Variants in MPP7 observed in about 807,000 individuals in gnomAD.
MPP7 encodes MAGUK p55 scaffold protein 7.
A neutral mutation model predicts 76.5 loss-of-function variants in MPP7; 60 were observed. The ratio of observed to expected loss-of-function variants is 0.78; its 90% CI spans 0.64 to 0.97. MPP7 has a LOEUF of 0.97. MPP7 is among the 50% of genes least tolerant of loss of function. The pLI is 0.00. For missense variants in MPP7, 641 were observed against 694.0 expected, an observed-to-expected ratio of 0.92 and a Z score of 0.86; for synonymous variants, 237 against 244.5, an observed-to-expected ratio of 0.97 and a Z score of 0.29.
At chr10:28,250,536 C>T (rs1839583071) in intron 1 of MPP7, among the ~76,000 whole-genome samples, 1 of 152,332 alleles carries the variant, frequency 6.6e-6, no homozygotes, top group East Asian at 1.9e-4. Flanking sequence ...CCATCCTACA[C>T]AGGCTGCCAG....
At chr10:28,062,502 G>C (rs1851826997) in intron 13 of MPP7, among the ~76,000 whole-genome samples, 1 of 145,672 alleles carries the variant, frequency 6.9e-6, no homozygotes, top group East Asian at 2.0e-4. Flanking sequence ...TAAAATAGTA[G>C]CTTAAATTCA....
At chr10:28,285,773 C>T (rs1242284448) in intron 1 of MPP7, among the ~76,000 whole-genome samples, 1 of 151,510 alleles carries the variant, frequency 6.6e-6, no homozygotes, top group East Asian at 1.9e-4. Flanking sequence ...TTACTATTTA[C>T]AGGCATTAAA....
intron 2 of MPP7, among the ~76,000 whole-genome samples, chr10:28,312,188 TC>T (rs1185239629): frequency 6.6e-6 from 1 of 152,162 alleles, no homozygotes; most frequent in Non-Finnish European, 1.5e-5. Flanking sequence ...CAGCCTTTAT[TC>T]CCTTTTTTGT....
intron 1 of MPP7, among the ~76,000 whole-genome samples, chr10:28,244,234 T>C (rs1197477645): frequency 1.3e-5 from 2 of 152,198 alleles, no homozygotes; most frequent in African/African-American, 4.8e-5. Flanking sequence ...GTAGCATGCT[T>C]TCTAGTAACA....
At chr10:28,222,688 T>C (rs1838552530) in intron 2 of MPP7, among the ~76,000 whole-genome samples, 1 of 151,460 alleles carries the variant, frequency 6.6e-6, no homozygotes, top group South Asian at 2.1e-4. Flanking sequence ...CCGTCTCCAC[T>C]AAAAATACAA....
chr10:28,100,381 T>C (rs1853769598), intron 11 of MPP7, among the ~76,000 whole-genome samples: 1 of 152,048 alleles, frequency 6.6e-6, no homozygotes, highest in African/African-American at 2.4e-5. Context: ...ATTAAGAACA[T>C]CTTACAGTAA....
chr10:28,305,042 C>T (rs1252251995), upstream of MPP7, among the ~76,000 whole-genome samples: 1 of 152,126 alleles, frequency 6.6e-6, no homozygotes, highest in Non-Finnish European at 1.5e-5. Context: ...ATGGGAGACA[C>T]ACTTAATTTT....
intron 2 of MPP7, among the ~76,000 whole-genome samples, chr10:28,224,341 C>G (rs538888919): frequency 6.7e-6 from 1 of 149,560 alleles, no homozygotes; most frequent in Non-Finnish European, 1.5e-5. Flanking sequence ...GAAAAGAGAA[C>G]AATGTGAATA....
chr10:28,296,031 G>T (rs970149696), intron 1 of MPP7, among the ~76,000 whole-genome samples: 2 of 152,078 alleles, frequency 1.3e-5, no homozygotes, highest in African/African-American at 4.8e-5. Flanking sequence ...ATAAATTTCA[G>T]GTTTCTACTT....
chr10:28,258,404 AT>A (rs1839854783), intron 1 of MPP7, among the ~76,000 whole-genome samples: 1 of 133,164 alleles, frequency 7.5e-6, no homozygotes, highest in African/African-American at 2.9e-5. Flanking sequence ...ATATATATAT[AT>A]AAATTTTTTT....
chr10:28,074,588 T>A (rs1852400841), intron 12 of MPP7, among the ~76,000 whole-genome samples: 1 of 152,090 alleles, frequency 6.6e-6, no homozygotes, highest in African/African-American at 2.4e-5. Flanking sequence ...TGAACCACAA[T>A]GCCCATTCTA....
chr10:28,314,371 T>C (rs995793322), intron 2 of MPP7, among the ~76,000 whole-genome samples: 10 of 152,224 alleles, frequency 6.6e-5, no homozygotes, highest in African/African-American at 2.2e-4. Context: ...ACATAAGGAT[T>C]ATACAAGCAA....
chr10:28,280,395 T>C (rs938421343), intron 1 of MPP7, among the ~76,000 whole-genome samples: 9 of 152,048 alleles, frequency 5.9e-5, no homozygotes, highest in African/African-American at 7.3e-5. Flanking sequence ...GCAAATGCTA[T>C]GTAAATAGTT....
At chr10:28,264,665 A>T (rs2132975988) in intron 1 of MPP7, among the ~76,000 whole-genome samples, 1 of 152,032 alleles carries the variant, frequency 6.6e-6, no homozygotes, top group Admixed American at 6.6e-5. Context: ...AATTTCCACC[A>T]TCTCTCAACA....
At chr10:28,194,758 A>C (rs1837525057) in intron 3 of MPP7, among the ~76,000 whole-genome samples, 1 of 152,232 alleles carries the variant, frequency 6.6e-6, no homozygotes, top group Admixed American at 6.5e-5. Flanking sequence ...TGGAAACGTA[A>C]AACTATTCTT....
intron 13 of MPP7, among the ~76,000 whole-genome samples, chr10:28,066,886 C>T (rs547371599): frequency 5.3e-5 from 8 of 152,306 alleles, no homozygotes; most frequent in African/African-American, 1.9e-4. Context: ...CCATTGTATG[C>T]ATATACTATA....
rs768009446 is a variant in MPP7 at position 28,054,098 on chromosome 10, G to A, written c.1698C>T (p.Thr566=). ...KTTFDKLETE[T]HWVPVSWLHS Reference sequence around the variant, plus strand: ...GTAACCAGCTCACTGGCACCCAATGGGTCTCTGTCTCTAATTTGTCAAAAG... The same window carrying A: ...GTAACCAGCTCACTGGCACCCAATGAGTCTCTGTCTCTAATTTGTCAAAAG... Residue 566 remains threonine (T), a synonymous_variant, in exon 17 of 17, where the codon ACC becomes ACT. Transcript: ENST00000683449. 5 of 1,613,534 alleles carry A rather than the reference G, an allele frequency of 3.1e-6. No individual in the cohort carries two copies. The East Asian group carries it at 8.9e-5, about 29-fold the overall frequency.
At chr10:28,107,828 T>A (rs1264792843) in intron 11 of MPP7, among the ~76,000 whole-genome samples, 1 of 152,162 alleles carries the variant, frequency 6.6e-6, no homozygotes, top group Non-Finnish European at 1.5e-5. Flanking sequence ...CACAGTATCA[T>A]GAGAATAAAT....
chr10:28,118,434 G>A, intron 11 of MPP7: 1 of 984,368 alleles, frequency 1.0e-6, no homozygotes, highest in Non-Finnish European at 1.2e-6. Context: ...TCATCTTTAA[G>A]TGACACATTA....
Sources: allele counts gnomAD v4.1 joint callset (sites outside exome capture counted in the v4.1 genomes callset), GRCh38; gene constraint gnomAD v4.1.1; transcripts MANE v1.5; gene names NCBI Gene and HGNC (gene_info 2026-07-23, HGNC 2026-07-21).